The following TNRC18 variants were observed in gnomAD, a reference collection of about 807,000 sequenced individuals.
TNRC18 encodes trinucleotide repeat-containing gene 18 protein.
In TNRC18, 69 loss-of-function variants were observed where a neutral mutation model predicts 226.7. The ratio of observed to expected loss-of-function variants is 0.30; its 90% CI spans 0.25 to 0.37. The LOEUF is 0.37. Among genes scored for constraint, TNRC18 ranks in the 10% least tolerant of loss-of-function variants. The pLI is 1.00. For synonymous variants in TNRC18, 2,449 were observed against 1,927.6 expected, an observed-to-expected ratio of 1.27 and a Z score of -7.09; for missense variants, 4,754 against 4,256.6, an observed-to-expected ratio of 1.12 and a Z score of -3.25.
At chr7:5,342,899 C>A (rs1790822118) in intron 18 of TNRC18, among the ~76,000 whole-genome samples, 1 of 152,100 alleles carries the variant, frequency 6.6e-6, no homozygotes, top group South Asian at 2.1e-4. Context: ...CCACAGCCAC[C>A]CCAACTGTCA....
At chr7:5,367,160 T>TCCC in intron 11 of TNRC18, among the ~76,000 whole-genome samples, 1 of 151,152 alleles carries the variant, frequency 6.6e-6, no homozygotes, top group South Asian at 2.1e-4. Context: ...AGGCCAGGAG[T>TCCC]TCAAGACCAG....
chr7:5,403,238 G>A (rs928239122), intron 2 of TNRC18, among the ~76,000 whole-genome samples: 9 of 150,424 alleles, frequency 6.0e-5, no homozygotes, highest in East Asian at 3.9e-4. Context: ...TCAGCTCACC[G>A]CAACCTCTAC....
At chr7:5,345,516 C>CGGGGGCG in intron 18 of TNRC18, 46 bp downstream of exon 18, 1 of 354,368 alleles carries the variant, frequency 2.8e-6, no homozygotes, top group East Asian at 4.8e-5. Context: ...CAATGGCGTC[C>CGGGGGCG]GCCCCTCCCA....
chr7:5,382,236 G>A (rs1779446051), intron 5 of TNRC18, among the ~76,000 whole-genome samples: 1 of 152,170 alleles, frequency 6.6e-6, no homozygotes, highest in Non-Finnish European at 1.5e-5. Flanking sequence ...CGGCCCTGCT[G>A]ACCACCAACA....
intron 5 of TNRC18, among the ~76,000 whole-genome samples, chr7:5,384,821 T>C (rs1414309745): frequency 6.6e-6 from 1 of 152,194 alleles, no homozygotes; most frequent in African/African-American, 2.4e-5. Context: ...AGCCCCAGGG[T>C]CAGAGTGTAG....
chr7:5,391,117 C>G (rs1780265864), intron 3 of TNRC18, among the ~76,000 whole-genome samples: 1 of 152,100 alleles, frequency 6.6e-6, no homozygotes, highest in African/African-American at 2.4e-5. Flanking sequence ...GGCCCTTTCT[C>G]TGCTGTGTGA....
intron 2 of TNRC18, among the ~76,000 whole-genome samples, chr7:5,404,392 G>T (rs972817116): frequency 1.3e-5 from 2 of 152,068 alleles, no homozygotes; most frequent in Non-Finnish European, 2.9e-5. Flanking sequence ...AGAATCCCAG[G>T]CAATTTGAAA....
rs1349006154 is a variant in TNRC18 at position 5,423,768 on chromosome 7, A to G, written c.-571T>C. Among the ~76,000 whole-genome samples the G allele has an allele frequency of 6.7e-6, 1 of 150,038 alleles. No individual in the cohort carries two copies. Among genetic ancestry groups the G allele is most frequent in the African/African-American group, 2.5e-5 (1 of 40,720 alleles). ...CCGGTTTAAAGAATCCCAAATCTCC[A>G]TATACAGCCCGGGATTGGAAAAGGT... On this transcript the variant is annotated 5_prime_UTR_variant, in exon 1 of 30. An upstream start codon of the reference 5' UTR is lost. Coordinates refer to ENST00000430969, the MANE Select transcript of TNRC18 (RefSeq NM_001080495.3).
At chr7:5,356,873 A>T in intron 16 of TNRC18, 43 bp downstream of exon 16, 1 of 1,481,436 alleles carries the variant, frequency 6.8e-7, no homozygotes, top group Non-Finnish European at 9.0e-7. Flanking sequence ...GGAGAAAAGG[A>T]GAGAAGCAGC....
intron 2 of TNRC18, among the ~76,000 whole-genome samples, chr7:5,400,602 ACT>A (rs998801487): frequency 2.0e-5 from 3 of 151,872 alleles, no homozygotes; most frequent in African/African-American, 4.8e-5. Context: ...ACAGAGTGAG[ACT>A]CTCTCTCAAA....
At chr7:5,373,947 G>A (rs957132309) in intron 10 of TNRC18, 108 bp downstream of exon 10, 20 of 887,946 alleles carry the variant, frequency 2.3e-5, no homozygotes, top group Admixed American at 7.8e-5. Flanking sequence ...GAGGTGCTCC[G>A]TGGAGGTGGA....
At chr7:5,420,691 G>A (rs1391357985) in intron 2 of TNRC18, 2 of 511,692 alleles carry the variant, frequency 3.9e-6, no homozygotes, top group Admixed American at 2.3e-5. Context: ...AGCTCGGGGA[G>A]CGGGTGTCTC....
intron 3 of TNRC18, among the ~76,000 whole-genome samples, chr7:5,393,439 C>A (rs1020401743): frequency 3.3e-5 from 5 of 152,230 alleles, no homozygotes; most frequent in Non-Finnish European, 5.9e-5. Context: ...GAACCTGTCT[C>A]CTCCTGGGCT....
chr7:5,394,297 T>C lies in TNRC18; in HGVS notation c.343+143A>G. On this transcript the variant is annotated intron_variant, in intron 3 of 29. Transcript: ENST00000430969. This position sits in a 1 kb window ranked among gnomAD's most constrained non-coding sequence, Gnocchi z 4.5. ...CAGTGACAAGAAGAAGCCCTGAGCG[T>C]TTGAGAAACAACAGGGAAGCCAGGT... 1.4e-6 allele frequency: 1 copy of C among 723,314 alleles called. No homozygotes were observed. The highest frequency in any genetic ancestry group is 2.1e-6 in the Non-Finnish European group (1 of 467,202). 44.8% of individuals were successfully genotyped at this position (723,314 alleles called of 1,614,324 possible). A position where few individuals can be genotyped will look rare whatever the true frequency, so the allele number is the denominator to read the frequency against.
At chr7:5,314,202 G>C (rs183460344) in intron 26 of TNRC18, among the ~76,000 whole-genome samples, 2 of 151,908 alleles carry the variant, frequency 1.3e-5, no homozygotes, top group Admixed American at 6.6e-5. Context: ...AAACTCCTGG[G>C]CTCAAGCGAT....
At chr7:5,418,673 G>C (rs969405078) in intron 2 of TNRC18, among the ~76,000 whole-genome samples, 2 of 152,236 alleles carry the variant, frequency 1.3e-5, no homozygotes, top group African/African-American at 2.4e-5. Flanking sequence ...AGATGGGACT[G>C]ATAACGCTGG....
chr7:5,371,831 G>T (rs932948492), intron 10 of TNRC18, among the ~76,000 whole-genome samples: 12 of 152,172 alleles, frequency 7.9e-5, no homozygotes, highest in African/African-American at 2.9e-4. Flanking sequence ...AGCACTTTAG[G>T]AGGCCAAAGG....
At chr7:5,362,161 T>C in intron 12 of TNRC18, 128 bp from the exon 13 acceptor site, 1 of 1,133,290 alleles carries the variant, frequency 8.8e-7, no homozygotes, top group East Asian at 2.5e-5. Flanking sequence ...GTCCCACCGC[T>C]GCCACCTCCT....
At chr7:5,363,226 C>G (rs1275719334) in intron 11 of TNRC18, among the ~76,000 whole-genome samples, 1 of 151,824 alleles carries the variant, frequency 6.6e-6, no homozygotes, top group Non-Finnish European at 1.5e-5. Context: ...CCACTTGAAC[C>G]CGGGAGGCAG....
Sources: gnomAD v4.1 joint callset for allele counts (sites outside exome capture counted in the v4.1 genomes callset) on GRCh38, gnomAD v4.1.1 for gene constraint, Gnocchi (gnomAD v3.1) non-coding constraint, MANE v1.5 for transcripts, NCBI Gene and HGNC (gene_info 2026-07-23, HGNC 2026-07-21) for gene names.